Variants in PYGO1 observed in about 807,000 individuals in gnomAD.
PYGO1 encodes pygopus homolog 1.
PYGO1 carries 6 observed loss-of-function variants against 29.5 expected under a neutral mutation model. That is an observed-to-expected ratio of 0.20 (90% CI 0.11 to 0.40). PYGO1 has a LOEUF of 0.40. PYGO1 is among the 10% of genes least tolerant of loss of function. The pLI, the probability that PYGO1 is intolerant of heterozygous loss-of-function variation, is 1.00. For missense variants in PYGO1, 515 were observed against 514.9 expected (o/e 1.00, Z 0.00); for synonymous variants, 186 against 180.5 (o/e 1.03, Z -0.24).
chr15:55,580,639 T>C (rs1466677040), intron 1 of PYGO1, among the ~76,000 whole-genome samples: 1 of 152,214 alleles, frequency 6.6e-6, no homozygotes, highest in Admixed American at 6.5e-5. Flanking sequence ...ACCATACAGC[T>C]AATAAATGGC....
intron 1 of PYGO1, among the ~76,000 whole-genome samples, chr15:55,559,452 C>A (rs1255065986): frequency 6.6e-6 from 1 of 152,092 alleles, no homozygotes; most frequent in African/African-American, 2.4e-5. Flanking sequence ...CCTAGAAATA[C>A]CATTTGACCC....
At chr15:55,559,844 T>C (rs2058925305) in intron 1 of PYGO1, among the ~76,000 whole-genome samples, 1 of 152,144 alleles carries the variant, frequency 6.6e-6, no homozygotes, top group African/African-American at 2.4e-5. Flanking sequence ...CGCACCATGA[T>C]CAATTTGGCT....
At chr15:55,547,812 T>A (rs1213704668) in intron 2 of PYGO1, among the ~76,000 whole-genome samples, 2 of 152,188 alleles carry the variant, frequency 1.3e-5, no homozygotes, top group Non-Finnish European at 2.9e-5. Context: ...AGCCTGTATA[T>A]ATAATTGCTT....
chr15:55,568,848 T>C (rs2058968534), intron 1 of PYGO1, among the ~76,000 whole-genome samples: 1 of 152,172 alleles, frequency 6.6e-6, no homozygotes, highest in African/African-American at 2.4e-5. Context: ...TTAAGATGAT[T>C]ATATGATTTT....
upstream of PYGO1, chr15:55,588,871 C>T: frequency 6.2e-7 from 1 of 1,613,104 alleles, no homozygotes; most frequent in Non-Finnish European, 8.5e-7. Context: ...CCAGATTCCC[C>T]GACTCCGTGT....
chr15:55,541,821 C>T lies in PYGO1; in HGVS notation c.*4202G>A, dbSNP rs1332397952. 1 of 152,144 alleles carries T rather than the reference C, an allele frequency of 6.6e-6. No homozygotes were observed. Among genetic ancestry groups the T allele is most frequent in the Non-Finnish European group, 1.5e-5 (1 of 68,034 alleles). 9.4% of individuals were successfully genotyped at this position (152,144 alleles called of 1,614,324 possible). The stretch of plus-strand genomic sequence containing the variant: ...CCTCCTAATCACATCAGGAAAAAGA[C>T]AAGACCTCTGCTTCTTTCTCCCTCC... On this transcript the variant is annotated 3_prime_UTR_variant, in exon 3 of 3. Transcript: ENST00000563719.
At chr15:55,584,159 C>T (rs1304959814) in intron 1 of PYGO1, among the ~76,000 whole-genome samples, 1 of 147,684 alleles carries the variant, frequency 6.8e-6, no homozygotes, top group Non-Finnish European at 1.5e-5. Flanking sequence ...TCCAATTGCC[C>T]AGGCGGGAGT....
In PYGO1 at chr15:55,541,861, G is replaced by A. The variant is rs2058829197; in HGVS notation, c.*4162C>T. On this transcript the variant is annotated 3_prime_UTR_variant, in exon 3 of 3. Transcript: ENST00000563719. ...TTTCTCCCTCCTACACTGATTGATT[G>A]GTTTCCTAAAGAAAACTGAGAGTTC... The A allele has an allele frequency of 6.6e-6, 1 of 152,126 alleles. No individual in the cohort carries two copies. The highest frequency in any genetic ancestry group is 1.5e-5 in the Non-Finnish European group (1 of 68,040). 9.4% of individuals were successfully genotyped at this position (152,126 alleles called of 1,614,324 possible).
Position 55,545,690 on chromosome 15 carries a change from C to T in PYGO1, c.*333G>A, listed in dbSNP as rs1550327. On this transcript the variant is annotated 3_prime_UTR_variant, in exon 3 of 3. Transcript: ENST00000563719. The stretch of plus-strand genomic sequence containing the variant: ...AACCAAAGTTCAGCACTGAAATACA[C>T]GTTTTTCAATGATTCTAACTTTTAA... 106,513 of 181,816 alleles carry T rather than the reference C, an allele frequency of 0.59. 31,441 individuals are homozygous for T. Among genetic ancestry groups the T allele is most frequent in the Admixed American group, 0.62 (10,794 of 17,302 alleles). 11.3% of individuals were successfully genotyped at this position (181,816 alleles called of 1,614,324 possible).
chr15:55,546,681 G>T lies in PYGO1; in HGVS notation c.602C>A (p.Ala201Glu). Reference sequence around the variant, plus strand: ...ATTATTTCCAGGAACAAAATTAGATGCCAAATCGGGGTTAGAAACTTGGCT... The same window carrying T: ...ATTATTTCCAGGAACAAAATTAGATTCCAAATCGGGGTTAGAAACTTGGCT... ...NASQVSNPDL[A>E]SNFVPGNNSN... Residue 201 changes from alanine (A) to glutamate (E), a missense_variant, in exon 3 of 3, where the codon GCA becomes GAA. Transcript: ENST00000563719. 1 of 1,613,990 alleles carries T rather than the reference G, an allele frequency of 6.2e-7. No individual in the cohort carries two copies. Among genetic ancestry groups the T allele is most frequent in the Non-Finnish European group, 8.5e-7 (1 of 1,179,904 alleles).
chr15:55,575,672 T>C (rs1397867249), intron 1 of PYGO1, among the ~76,000 whole-genome samples: 1 of 152,182 alleles, frequency 6.6e-6, no homozygotes, highest in Non-Finnish European at 1.5e-5. Context: ...TATCCTGCAT[T>C]GGCAGTTTGT....
chr15:55,586,031 A>T (rs2059044807), intron 1 of PYGO1, among the ~76,000 whole-genome samples: 1 of 152,142 alleles, frequency 6.6e-6, no homozygotes, highest in Non-Finnish European at 1.5e-5. Context: ...TAAGAAAATC[A>T]TTTTCTACCA....
intron 1 of PYGO1, among the ~76,000 whole-genome samples, chr15:55,555,416 T>A (rs1188026203): frequency 6.7e-6 from 1 of 149,882 alleles, no homozygotes; most frequent in Non-Finnish European, 1.5e-5. Flanking sequence ...CTGAGGTACA[T>A]GACCAATGAA....
chr15:55,563,462 G>A (rs1294473894), intron 1 of PYGO1, among the ~76,000 whole-genome samples: 2 of 151,650 alleles, frequency 1.3e-5, no homozygotes, highest in African/African-American at 4.9e-5. Context: ...TGCATCCTGG[G>A]TTCACGTGAT....
chr15:55,582,007 G>C (rs538054583), intron 1 of PYGO1, among the ~76,000 whole-genome samples: 1 of 152,116 alleles, frequency 6.6e-6, no homozygotes, highest in South Asian at 2.1e-4. Context: ...AGGAGTTTGA[G>C]ACCAGCCTGG....
intron 1 of PYGO1, among the ~76,000 whole-genome samples, chr15:55,571,712 C>T (rs572005366): frequency 5.3e-5 from 8 of 152,246 alleles, no homozygotes; most frequent in Admixed American, 6.5e-5. Flanking sequence ...ATCTATAAAT[C>T]ATCCAGTCTT....
Position 55,588,115 on chromosome 15 carries a change from C to A in PYGO1, c.-232G>T. The A allele has an allele frequency of 1.1e-6, 1 of 901,592 alleles. No homozygotes were observed. The highest frequency in any genetic ancestry group is 5.1e-5 in the South Asian group (1 of 19,664). The allele number at this position is 901,592 out of a possible 1,614,324, so 55.8% of individuals were successfully genotyped here. On this transcript the variant is annotated 5_prime_UTR_variant, in exon 1 of 3. Transcript: ENST00000563719. ...GCGTGCGGGCACCGGCGGGGCTCAGCGGCGGTGGCCGGGAGCGCGGCCTGG... is the reference window on the plus strand; with the variant it reads ...GCGTGCGGGCACCGGCGGGGCTCAGAGGCGGTGGCCGGGAGCGCGGCCTGG...
chr15:55,586,261 T>G (rs986455513), intron 1 of PYGO1, among the ~76,000 whole-genome samples: 1 of 152,200 alleles, frequency 6.6e-6, no homozygotes, highest in South Asian at 2.1e-4. Flanking sequence ...ACCTCCCTAC[T>G]AGTCTCCCCT....
At chr15:55,588,964 C>G (rs2059062952), upstream of PYGO1, 3 of 854,078 alleles carry the variant, frequency 3.5e-6, no homozygotes, top group South Asian at 1.7e-5. Context: ...GAAAGAGCGA[C>G]GTAGAATAAA....
Sources: gnomAD v4.1 joint callset for allele counts (sites outside exome capture counted in the v4.1 genomes callset) on GRCh38, gnomAD v4.1.1 for gene constraint, MANE v1.5 for transcripts, NCBI Gene and HGNC (gene_info 2026-07-23, HGNC 2026-07-21) for gene names.